ANK3: variants seen among roughly 807,000 people sequenced by gnomAD.
ANK3 encodes the protein ankyrin 3, also known as ankyrin-3.
In ANK3, 57 loss-of-function variants were observed where a neutral mutation model predicts 370.9. The ratio of observed to expected loss-of-function variants is 0.15; its 90% confidence interval spans 0.12 to 0.19. The LOEUF (loss-of-function observed/expected upper bound fraction) is 0.19. Ranked by LOEUF, ANK3 falls within the 10% of genes least tolerant of loss-of-function variation. The pLI, the probability that ANK3 is intolerant of heterozygous loss-of-function variation, is 1.00. For synonymous variants in ANK3, 1,929 were observed against 1,946.3 expected (o/e 0.99, Z 0.23); for missense variants, 4,439 against 5,302.1 (o/e 0.84, Z 5.06).
chr10:60,221,092 T>TC (rs1274959254), intron 8 of ANK3, among the ~76,000 whole-genome samples: 6 of 151,744 alleles, frequency 4.0e-5, no homozygotes, highest in Non-Finnish European at 8.8e-5. Flanking sequence ...GCCTTTTTTT[T>TC]TTTTTGAGAT....
chr10:60,462,534 C>CT (rs1284402896), intron 2 of ANK3, among the ~76,000 whole-genome samples: 1 of 151,034 alleles, frequency 6.6e-6, no homozygotes, highest in African/African-American at 2.4e-5. Flanking sequence ...TACAGACTTC[C>CT]TTTTTCCCCT....
intron 28 of ANK3, among the ~76,000 whole-genome samples, chr10:60,091,986 C>T (rs372060256): frequency 4.3e-4 from 66 of 152,272 alleles, no homozygotes; most frequent in African/African-American, 1.2e-3. Flanking sequence ...ACCTCAGCCT[C>T]CCAAAGTGCT....
At chr10:60,056,306 T>TA (rs2079155388) in intron 41 of ANK3, among the ~76,000 whole-genome samples, 1 of 151,956 alleles carries the variant, frequency 6.6e-6, no homozygotes, top group African/African-American at 2.4e-5. Context: ...CCATCTCTAC[T>TA]AAAAATACTA....
intron 1 of ANK3, among the ~76,000 whole-genome samples, chr10:60,297,571 T>C (rs2042803612): frequency 1.3e-5 from 2 of 152,104 alleles, no homozygotes; most frequent in Non-Finnish European, 2.9e-5. Flanking sequence ...ATTTAAAAAA[T>C]AAACATTTGC....
intron 23 of ANK3, among the ~76,000 whole-genome samples, chr10:60,155,304 C>A (rs1360029643): frequency 6.6e-6 from 1 of 152,146 alleles, no homozygotes; most frequent in East Asian, 1.9e-4. Flanking sequence ...TGCATTGGAG[C>A]TCAGCACTGC....
chr10:60,240,307 T>TATATATATATA (rs1491120014), intron 7 of ANK3, among the ~76,000 whole-genome samples: 1 of 48,356 alleles, frequency 2.1e-5, no homozygotes, highest in East Asian at 8.7e-4. Flanking sequence ...TATATATATA[T>TATATATATATA]TTTTTTTTCT....
At chr10:60,221,759 G>T (rs367748356) in intron 8 of ANK3, among the ~76,000 whole-genome samples, 1 of 152,258 alleles carries the variant, frequency 6.6e-6, no homozygotes, top group African/African-American at 2.4e-5. Context: ...TGTCTTCAGA[G>T]GGGTTACTAA....
intron 21 of ANK3, among the ~76,000 whole-genome samples, chr10:60,168,467 G>A (rs1016505608): frequency 6.6e-6 from 1 of 151,984 alleles, no homozygotes; most frequent in Admixed American, 6.6e-5. Flanking sequence ...TCCCATCGAG[G>A]ATACTGTATG....
At chr10:60,199,411 G>A (rs2096638551) in intron 13 of ANK3, among the ~76,000 whole-genome samples, 2 of 152,180 alleles carry the variant, frequency 1.3e-5, no homozygotes, top group South Asian at 4.2e-4. Flanking sequence ...TTAGGGAGAT[G>A]CTGCAAGGGA....
At chr10:60,398,089 T>G (rs1463308481) in intron 2 of ANK3, among the ~76,000 whole-genome samples, 1 of 152,186 alleles carries the variant, frequency 6.6e-6, no homozygotes, top group African/African-American at 2.4e-5. Flanking sequence ...TTGCACCTAA[T>G]GGACTCTGTG....
intron 1 of ANK3, among the ~76,000 whole-genome samples, chr10:60,385,068 C>T (rs771124797): frequency 6.6e-6 from 1 of 152,152 alleles, no homozygotes; most frequent in Non-Finnish European, 1.5e-5. Flanking sequence ...AAGCTATTCA[C>T]AGTCCTCTCT....
intron 12 of ANK3, among the ~76,000 whole-genome samples, chr10:60,201,910 T>G (rs545000233): frequency 6.6e-6 from 1 of 152,138 alleles, no homozygotes; most frequent in South Asian, 2.1e-4. Context: ...GAGACAGGTT[T>G]CATCATTTTG....
intron 2 of ANK3, among the ~76,000 whole-genome samples, chr10:60,600,559 T>C (rs1046247782): frequency 3.3e-5 from 5 of 152,162 alleles, no homozygotes; most frequent in Non-Finnish European, 7.4e-5. Context: ...ATTTTTAATG[T>C]GTTTATTCTC....
intron 10 of ANK3, among the ~76,000 whole-genome samples, chr10:60,207,167 G>A (rs900350989): frequency 6.6e-6 from 1 of 152,166 alleles, no homozygotes; most frequent in Non-Finnish European, 1.5e-5. Flanking sequence ...TGGCAAGGAG[G>A]TGTCTGGGGT....
chr10:60,706,087 G>A (rs147362662), intron 1 of ANK3, among the ~76,000 whole-genome samples: 313 of 152,184 alleles, frequency 2.1e-3, no homozygotes, highest in Non-Finnish European at 3.4e-3. Flanking sequence ...GTGTCCCAAC[G>A]TGTTGGCATG....
At chr10:60,145,114 G>A (rs1366990490) in intron 23 of ANK3, among the ~76,000 whole-genome samples, 1 of 152,090 alleles carries the variant, frequency 6.6e-6, no homozygotes, top group Non-Finnish European at 1.5e-5. Flanking sequence ...ATACCAAATT[G>A]TATTATTAGA....
At position 60,256,610 on chromosome 10, in the gene ANK3, T is replaced by C. The variant is rs150519294; in HGVS notation, c.798+5249A>G. On this transcript the variant is annotated intron_variant, in intron 7 of 43. Transcript: ENST00000280772. ...CCTAGGTTGTGAGCATAGTACCCAA[T>C]AGGTAGTTTTTCAACTCTGCCACAA... Among the ~76,000 whole-genome samples the C allele has an allele frequency of 9.6e-3, 1,461 of 152,298 alleles. 11 individuals carry two copies. Among genetic ancestry groups the C allele is most frequent in the Middle Eastern group, 0.031 (9 of 294 alleles).
intron 1 of ANK3, among the ~76,000 whole-genome samples, chr10:60,654,786 A>C (rs2078840556): frequency 6.6e-6 from 1 of 152,224 alleles, no homozygotes; most frequent in African/African-American, 2.4e-5. Flanking sequence ...AACAATTATG[A>C]ATTTAGAAAA....
intron 23 of ANK3, among the ~76,000 whole-genome samples, chr10:60,164,161 T>C (rs1307644742): frequency 3.3e-5 from 5 of 152,156 alleles, no homozygotes; most frequent in Non-Finnish European, 7.4e-5. Flanking sequence ...AAATGCTAAT[T>C]TATGCAGCAG....
Sources: allele counts gnomAD v4.1 joint callset (sites outside exome capture counted in the v4.1 genomes callset), GRCh38; gene constraint gnomAD v4.1.1; transcripts MANE v1.5; gene names NCBI Gene and HGNC (gene_info 2026-07-23, HGNC 2026-07-21).